The following SNAP47 variants were observed in gnomAD, a reference collection of about 807,000 sequenced individuals.
SNAP47 encodes the protein synaptosome associated protein 47, also known as synaptosomal-associated protein 47.
Under a neutral mutation model 31.4 loss-of-function variants are expected in SNAP47, and 20 were observed. The observed-to-expected ratio is 0.64, with a 90% confidence interval of 0.45 to 0.93. SNAP47 has a LOEUF of 0.93. SNAP47 is among the 40% of genes least tolerant of loss of function. The pLI, the probability that SNAP47 is intolerant of heterozygous loss-of-function variation, is 0.00. For synonymous variants in SNAP47, 194 were observed against 213.4 expected, an observed-to-expected ratio of 0.91 and a Z score of 0.79; for missense variants, 492 against 528.5, an observed-to-expected ratio of 0.93 and a Z score of 0.68.
intron 1 of SNAP47, chr1:227,747,059 G>A (rs1662010402): frequency 6.6e-6 from 1 of 152,262 alleles, no homozygotes; most frequent in South Asian, 2.1e-4. Flanking sequence ...TTGCAGCTAT[G>A]TAAAACTACA....
upstream of SNAP47, chr1:227,733,328 A>G: frequency 7.1e-7 from 1 of 1,409,914 alleles, no homozygotes; most frequent in Non-Finnish European, 9.5e-7. Context: ...ATTCCAGCCC[A>G]GCTCTGGCTG....
chr1:227,759,756 A>G (rs1364256822), intron 3 of SNAP47: 5 of 492,012 alleles, frequency 1.0e-5, no homozygotes, highest in Non-Finnish European at 1.8e-5. Flanking sequence ...CTTTGGATAC[A>G]GTTTATCCTC....
intron 1 of SNAP47, chr1:227,745,741 G>A (rs534579429): frequency 6.6e-6 from 1 of 152,348 alleles, no homozygotes; most frequent in East Asian, 1.9e-4. Flanking sequence ...CCCCCATGCT[G>A]TAATGGGCAT....
At chr1:227,732,515 C>T (rs1396196474), upstream of SNAP47, 1 of 1,613,278 alleles carries the variant, frequency 6.2e-7, no homozygotes, top group Non-Finnish European at 8.5e-7. Flanking sequence ...AGGCCAGCAC[C>T]TCTGTGATGC....
chr1:227,759,251 A>T lies in SNAP47; in HGVS notation c.754A>T (p.Arg252Ter). Reference sequence around the variant, plus strand: ...TTCTTTGCTCATGCACAGGTTTGAAAGAGAAGACGTGGACGACATCAAGGT... The same window carrying T: ...TTCTTTGCTCATGCACAGGTTTGAATGAGAAGACGTGGACGACATCAAGGT... ...SSSLLMHRFE[R>*]EDVDDIKVHS... Residue 252 changes from arginine to a stop codon, truncating the protein, a stop_gained, in exon 3 of 5, where the codon AGA becomes TGA. Transcript: ENST00000617596. LOFTEE classifies it high-confidence loss of function. 1 of 1,614,224 alleles carries T rather than the reference A, an allele frequency of 6.2e-7. No homozygotes were observed. The highest frequency in any genetic ancestry group is 8.5e-7 in the Non-Finnish European group (1 of 1,180,044).
intron 3 of SNAP47, among the ~76,000 whole-genome samples, chr1:227,765,054 GTTT>G (rs1365123089): frequency 2.0e-5 from 3 of 152,212 alleles, no homozygotes; most frequent in Admixed American, 2.0e-4. Context: ...AATAGTTGTT[GTTT>G]TTTAAAGCCC....
At chr1:227,751,256 C>T (rs1662331851) in intron 2 of SNAP47, among the ~76,000 whole-genome samples, 1 of 152,230 alleles carries the variant, frequency 6.6e-6, no homozygotes, top group African/African-American at 2.4e-5. Flanking sequence ...CGTCTCTCTC[C>T]TGCTCAGCAG....
At chr1:227,767,636 C>A (rs1010524638) in intron 4 of SNAP47, among the ~76,000 whole-genome samples, 3 of 151,866 alleles carry the variant, frequency 2.0e-5, no homozygotes, top group Non-Finnish European at 4.4e-5. Context: ...TGTATATGTG[C>A]TGTATGTGTA....
intron 4 of SNAP47, among the ~76,000 whole-genome samples, chr1:227,767,559 T>A (rs547280994): frequency 1.3e-5 from 2 of 152,102 alleles, no homozygotes; most frequent in Admixed American, 1.3e-4. Flanking sequence ...GTGTGTGTTG[T>A]GTGTGTTGTG....
chr1:227,759,650 C>A, intron 3 of SNAP47, 165 bp downstream of exon 3: 1 of 838,140 alleles, frequency 1.2e-6, no homozygotes, highest in Non-Finnish European at 1.8e-6. Context: ...CAATTCCAGA[C>A]CATTTTCCTT....
At chr1:227,767,187 C>A in intron 4 of SNAP47, 104 bp downstream of exon 4, 11 of 1,501,904 alleles carry the variant, frequency 7.3e-6, no homozygotes, top group Non-Finnish European at 8.1e-6. Context: ...GTCATCCATC[C>A]GTATTGGCCT....
chr1:227,771,407 G>A (rs1455359390), intron 4 of SNAP47, among the ~76,000 whole-genome samples: 2 of 152,112 alleles, frequency 1.3e-5, no homozygotes, highest in African/African-American at 4.8e-5. Context: ...GAAGAGGCTG[G>A]GAATGGGGAC....
At chr1:227,768,085 G>A (rs1341475487) in intron 4 of SNAP47, among the ~76,000 whole-genome samples, 1 of 152,226 alleles carries the variant, frequency 6.6e-6, no homozygotes, top group Non-Finnish European at 1.5e-5. Context: ...AGAAAGAACC[G>A]TACTGCCACT....
At position 227,759,023 on chromosome 1, in the gene SNAP47, TG is replaced by T; in HGVS notation, c.528del (p.Trp176CysfsTer23). ...RLLTELESPA[W>X]WPFSSKLWKT... ...GCTGACAGAACTGGAATCTCCTGCT[TG>T]GTGGCCCTTTAGCTCCAAGCTTTGG... On this transcript the variant is annotated frameshift_variant, in exon 3 of 5. Coordinates refer to ENST00000617596, the MANE Select transcript of SNAP47 (RefSeq NM_053052.4). LOFTEE classifies it high-confidence loss of function. 6.2e-7 allele frequency: 1 copy of T among 1,606,086 alleles called. No homozygotes were observed. The highest frequency in any genetic ancestry group is 8.5e-7 in the Non-Finnish European group (1 of 1,176,788).
Position 227,758,246 on chromosome 1 carries a change from G to A in SNAP47, c.498-749G>A, listed in dbSNP as rs2102949436. Among the ~76,000 whole-genome samples the A allele has an allele frequency of 2.6e-5, 4 of 152,262 alleles. No individual in the cohort carries two copies. The South Asian group carries it at 8.3e-4, about 32-fold the overall frequency. On this transcript the variant is annotated intron_variant, in intron 2 of 4. Coordinates refer to ENST00000617596, the MANE Select transcript of SNAP47 (RefSeq NM_053052.4). ...CATGGCTGCAGTCTGCAGAAGCTGG[G>A]GACGCTGAGTCCCTGAAGGCCACAG...
intron 4 of SNAP47, chr1:227,777,148 G>T (rs553765989): frequency 1.2e-6 from 1 of 826,706 alleles, no homozygotes; most frequent in Admixed American, 6.2e-5. Flanking sequence ...TTATATTCTG[G>T]GGAGATGTCA....
chr1:227,746,163 G>A (rs1178178752), intron 1 of SNAP47: 1 of 152,202 alleles, frequency 6.6e-6, no homozygotes, highest in Non-Finnish European at 1.5e-5. Flanking sequence ...TAATGAAATG[G>A]GGCCCTTCCC....
intron 4 of SNAP47, among the ~76,000 whole-genome samples, chr1:227,780,148 C>T (rs77324149): frequency 0.013 from 1,914 of 152,274 alleles, 58 homozygotes; most frequent in African/African-American, 0.044. Context: ...ATCCGAGCTG[C>T]GTGCCCAGGT....
upstream of SNAP47, chr1:227,728,468 C>T (rs1193476384): frequency 6.9e-6 from 1 of 145,170 alleles, no homozygotes; most frequent in Non-Finnish European, 1.5e-5. Flanking sequence ...CGTCCTCTCC[C>T]CGCCTCCCTC....
Sources: gnomAD v4.1 joint callset for allele counts (sites outside exome capture counted in the v4.1 genomes callset) on GRCh38, gnomAD v4.1.1 for gene constraint, MANE v1.5 for transcripts, NCBI Gene and HGNC (gene_info 2026-07-23, HGNC 2026-07-21) for gene names.